Variants in COL4A4 observed in about 807,000 individuals in gnomAD.
The protein encoded by COL4A4 is collagen alpha-4(IV) chain.
A neutral mutation model predicts 192.9 loss-of-function variants in COL4A4; 105 were observed. The observed-to-expected ratio is 0.54, with a 90% CI of 0.46 to 0.64. The LOEUF (loss-of-function observed/expected upper bound fraction) is 0.64, where lower values mean the gene tolerates loss of function less well. Ranked by LOEUF, COL4A4 falls within the 30% of genes least tolerant of loss-of-function variation. The probability of loss-of-function intolerance (pLI) is 0.00; values close to 1 mark genes in which losing one functional copy is unlikely to be tolerated. For synonymous variants in COL4A4, 762 were observed against 769.9 expected, an observed-to-expected ratio of 0.99 and a Z score of 0.17; for missense variants, 1,967 against 2,169.3, an observed-to-expected ratio of 0.91 and a Z score of 1.85.
the COL4A4 span, chr2:226,968,851 A>G: frequency 6.6e-6 from 1 of 152,156 alleles, no homozygotes; most frequent in East Asian, 1.9e-4. Context: ...CTCAGCTCTC[A>G]ATTTCCTCAT....
At chr2:227,030,916 A>G (rs1358855354) in intron 40 of COL4A4, among the ~76,000 whole-genome samples, 17 of 145,792 alleles carry the variant, frequency 1.2e-4, no homozygotes, top group Admixed American at 1.1e-3. Flanking sequence ...TGCTTTAATA[A>G]GATGGATGGA....
At chr2:227,086,921 A>G (rs866708103) in intron 22 of COL4A4, among the ~76,000 whole-genome samples, 1 of 152,214 alleles carries the variant, frequency 6.6e-6, no homozygotes, top group Non-Finnish European at 1.5e-5. Context: ...GGCTTTGTAC[A>G]TGTGACAAGG....
chr2:227,136,935 C>T (rs764873931), intron 4 of COL4A4, among the ~76,000 whole-genome samples: 4 of 152,064 alleles, frequency 2.6e-5, no homozygotes, highest in Non-Finnish European at 5.9e-5. Flanking sequence ...GAAGGTTGGC[C>T]GGCTGCTGAG....
intron 44 of COL4A4, among the ~76,000 whole-genome samples, chr2:227,017,427 C>G (rs549068921): frequency 6.6e-6 from 1 of 152,312 alleles, no homozygotes; most frequent in Admixed American, 6.5e-5. Flanking sequence ...CAAAACAAAC[C>G]CTCCAGTGTT....
At chr2:226,996,750 ATAATTTTATAT>A in the COL4A4 span, 1 of 152,200 alleles carries the variant, frequency 6.6e-6, no homozygotes, top group Non-Finnish European at 1.5e-5. Flanking sequence ...CTTCATTTTT[ATAATTTTATAT>A]TACTGTCTTG....
chr2:227,093,189 G>A (rs912217097), intron 20 of COL4A4, among the ~76,000 whole-genome samples: 3 of 152,050 alleles, frequency 2.0e-5, no homozygotes, highest in Non-Finnish European at 2.9e-5. Context: ...ATTTCTGAGC[G>A]TGGGCCAAGC....
chr2:227,061,669 A>G (rs1275191951), intron 26 of COL4A4, among the ~76,000 whole-genome samples: 1 of 152,244 alleles, frequency 6.6e-6, no homozygotes, highest in Non-Finnish European at 1.5e-5. Context: ...GTCAGTCATT[A>G]TTCATACTAG....
At chr2:227,120,979 C>A (rs1038478805) in intron 5 of COL4A4, 35 bp downstream of exon 5, 1 of 1,613,528 alleles carries the variant, frequency 6.2e-7, no homozygotes, top group African/African-American at 1.3e-5. Flanking sequence ...GCTGGTGAGT[C>A]TTTCATGTGA....
chr2:227,039,057 C>T (rs1970275099), intron 37 of COL4A4, among the ~76,000 whole-genome samples: 1 of 152,168 alleles, frequency 6.6e-6, no homozygotes. Context: ...TGTTCATTTC[C>T]TCACCTTCTC....
rs749753913 is a variant in COL4A4, at chr2:227,102,854, A to G, written c.871-6T>C. 4 of 1,611,416 alleles carry G rather than the reference A, an allele frequency of 2.5e-6. No individual in the cohort carries two copies. The highest frequency in any genetic ancestry group is 8.5e-7 in the Non-Finnish European group (1 of 1,177,910). ...GCCCCAATACCAGATTCTCCCTTTAAGAGATGACAACATTTAGAGGGGTTC... is the reference window on the plus strand; with the variant it reads ...GCCCCAATACCAGATTCTCCCTTTAGGAGATGACAACATTTAGAGGGGTTC... On this transcript the variant is annotated splice_polypyrimidine_tract_variant and splice_region_variant and intron_variant, in intron 14 of 47. Coordinates refer to ENST00000396625, the MANE Select transcript of COL4A4 (RefSeq NM_000092.5).
At chr2:227,085,108 G>A (rs1482998566) in intron 22 of COL4A4, among the ~76,000 whole-genome samples, 1 of 151,492 alleles carries the variant, frequency 6.6e-6, no homozygotes, top group African/African-American at 2.4e-5. Context: ...TCCAGCCTGG[G>A]CGACAAGAGT....
the COL4A4 span, among the ~76,000 whole-genome samples, chr2:226,985,036 C>T: frequency 6.6e-6 from 1 of 152,024 alleles, no homozygotes; most frequent in Non-Finnish European, 1.5e-5. Context: ...CCTGATTAGG[C>T]CTAACATAGA....
At chr2:227,134,579 G>A (rs1049713772) in intron 4 of COL4A4, among the ~76,000 whole-genome samples, 1 of 152,142 alleles carries the variant, frequency 6.6e-6, no homozygotes, top group Non-Finnish European at 1.5e-5. Context: ...AGAACTTTGA[G>A]TGCAAGTAAT....
chr2:227,098,072 C>G lies in COL4A4; in HGVS notation c.1204+622G>C, dbSNP rs187420663. ...TCTTTCCCAGGCTTTTTACCAAATGCCACTGTGGCCCATCATTTTCTTATT... is the reference window on the plus strand; with the variant it reads ...TCTTTCCCAGGCTTTTTACCAAATGGCACTGTGGCCCATCATTTTCTTATT... On this transcript the variant is annotated intron_variant, in intron 19 of 47. Transcript: ENST00000396625. 7.6e-4 allele frequency among the ~76,000 whole-genome samples: 115 copies of G among 152,292 alleles called. 1 individual carries two copies. The highest frequency in any genetic ancestry group is 2.3e-3 in the African/African-American group (94 of 41,558).
chr2:227,140,311 A>G (rs1357748370), intron 3 of COL4A4, 73 bp from the exon 4 acceptor site: 2 of 1,256,876 alleles, frequency 1.6e-6, no homozygotes, highest in Non-Finnish European at 2.3e-6. Context: ...ATACATTATA[A>G]CAAGCACTCT....
Position 227,082,200 on chromosome 2 carries a change from T to C in COL4A4, c.1624-13A>G, listed in dbSNP as rs377386305. On this transcript the variant is annotated splice_polypyrimidine_tract_variant and intron_variant, in intron 22 of 47. Coordinates refer to ENST00000396625, the MANE Select transcript of COL4A4 (RefSeq NM_000092.5). ...CACCATGCTTTCCCTTGGTGAAAAA[T>C]AAGAGAAACAAATTAGGTTAATTGT... 283 of 1,611,000 alleles carry C rather than the reference T, an allele frequency of 1.8e-4. No homozygotes were observed. The highest frequency in any genetic ancestry group is 2.2e-4 in the Non-Finnish European group (261 of 1,177,180).
In COL4A4 at chr2:227,121,099, G is replaced by T. The variant is rs747022394; in HGVS notation, c.242C>A (p.Ala81Asp). 2.7e-5 allele frequency: 43 copies of T among 1,613,992 alleles called. No homozygotes were observed. Among genetic ancestry groups the T allele is most frequent in the African/African-American group, 6.7e-5 (5 of 74,916 alleles). ...TCCTGAAAGCCCAATGGGTCCTGGG[G>T]CTCCCAGGGGTCCAATTGGACCCTG... ...GPQGPIGPLG[A>D]PGPIGLSGEK... The change falls in exon 5 of 48, where the codon GCC becomes GAC. Residue 81 changes from alanine (A) to aspartate (D), a missense_variant. Coordinates refer to ENST00000396625, the MANE Select transcript of COL4A4 (RefSeq NM_000092.5).
chr2:227,114,337 A>G (rs1218722789), intron 8 of COL4A4, among the ~76,000 whole-genome samples: 1 of 152,234 alleles, frequency 6.6e-6, no homozygotes, highest in African/African-American at 2.4e-5. Flanking sequence ...CCCCACACCA[A>G]ATGAATATGT....
At chr2:227,118,077 C>A (rs538360852) in intron 7 of COL4A4, among the ~76,000 whole-genome samples, 1 of 152,028 alleles carries the variant, frequency 6.6e-6, no homozygotes, top group Non-Finnish European at 1.5e-5. Context: ...AGTGTCTAGA[C>A]GTGGGGTGAC....
Sources: allele counts gnomAD v4.1 joint callset (sites outside exome capture counted in the v4.1 genomes callset), GRCh38; gene constraint gnomAD v4.1.1; transcripts MANE v1.5; gene names NCBI Gene and HGNC (gene_info 2026-07-23, HGNC 2026-07-21).